Variants in UBE2O observed in about 807,000 individuals in gnomAD.
UBE2O encodes the protein (E3-independent) E2 ubiquitin-conjugating enzyme.
In UBE2O, 15 loss-of-function variants were observed where a neutral mutation model predicts 125.8. The ratio of observed to expected loss-of-function variants is 0.12; its 90% CI spans 0.08 to 0.18. The LOEUF (loss-of-function observed/expected upper bound fraction) is 0.18, where lower values mean the gene tolerates loss of function less well. Among genes scored for constraint, UBE2O ranks in the 10% least tolerant of loss-of-function variants. The pLI is 1.00. For synonymous variants in UBE2O, 708 were observed against 703.2 expected (o/e 1.01, Z -0.11); for missense variants, 1,280 against 1,723.6 (o/e 0.74, Z 4.56).
intron 1 of UBE2O, among the ~76,000 whole-genome samples, chr17:76,426,295 C>G (rs1047345055): frequency 6.6e-6 from 1 of 152,184 alleles, no homozygotes; most frequent in African/African-American, 2.4e-5. Flanking sequence ...ACCACCATGC[C>G]CAGCCAAAAG....
intron 1 of UBE2O, among the ~76,000 whole-genome samples, chr17:76,414,443 G>A (rs2072565221): frequency 1.3e-5 from 2 of 152,216 alleles, no homozygotes; most frequent in South Asian, 4.1e-4. Context: ...AAGCTGGGTG[G>A]GGAGACCAGA....
chr17:76,392,208 G>A (rs2072124931), intron 15 of UBE2O, 95 bp from the exon 16 acceptor site: 1 of 760,178 alleles, frequency 1.3e-6, no homozygotes, highest in Non-Finnish European at 2.0e-6. Flanking sequence ...TCTTTCCCAG[G>A]ACACTGTGCA....
chr17:76,394,595 A>G (rs991940902), intron 15 of UBE2O, among the ~76,000 whole-genome samples: 4 of 152,226 alleles, frequency 2.6e-5, no homozygotes, highest in East Asian at 1.9e-4. Context: ...CATACAAAAT[A>G]TTATGTACTT....
chr17:76,439,102 C>A (rs2088312009), intron 1 of UBE2O, among the ~76,000 whole-genome samples: 1 of 152,232 alleles, frequency 6.6e-6, no homozygotes. Context: ...ACACCAGTGG[C>A]CTTTCCAGGG....
intron 1 of UBE2O, chr17:76,431,091 C>A: frequency 5.5e-6 from 1 of 181,726 alleles, no homozygotes; most frequent in Non-Finnish European, 1.1e-5. Flanking sequence ...TCTGGCACAA[C>A]AGGAAGCTGC....
intron 1 of UBE2O, among the ~76,000 whole-genome samples, chr17:76,442,650 G>A (rs1244933000): frequency 6.6e-6 from 1 of 152,240 alleles, no homozygotes; most frequent in African/African-American, 2.4e-5. Flanking sequence ...GGGAAAAGCA[G>A]TCAGATTGGC....
chr17:76,402,761 G>A lies in UBE2O; in HGVS notation c.589-62C>T. 7.2e-7 allele frequency: 1 copy of A among 1,380,532 alleles called. No individual in the cohort carries two copies. The highest frequency in any genetic ancestry group is 1.4e-5 in the African/African-American group (1 of 70,484). The allele number at this position is 1,380,532 out of a possible 1,614,324, so 85.5% of individuals were successfully genotyped here. A position where few individuals can be genotyped will look rare whatever the true frequency, so the allele number is the denominator to read the frequency against. On this transcript the variant is annotated intron_variant, in intron 3 of 17. Transcript: ENST00000319380. This position sits in a 1 kb window ranked among gnomAD's most constrained non-coding sequence, Gnocchi z 5.4. ...AGACAACGTTCATGTCCAGGGCACA[G>A]ATTCCTCTATGCCCCACCGAAGACA...
chr17:76,415,828 T>C (rs558317936), intron 1 of UBE2O, among the ~76,000 whole-genome samples: 94 of 151,290 alleles, frequency 6.2e-4, no homozygotes, highest in Middle Eastern at 3.4e-3. Flanking sequence ...TGTGTGTGTG[T>C]GCATACACAT....
chr17:76,422,467 C>T (rs2072727666), intron 1 of UBE2O, among the ~76,000 whole-genome samples: 1 of 152,222 alleles, frequency 6.6e-6, no homozygotes, highest in Non-Finnish European at 1.5e-5. Context: ...TGTTCCCTCG[C>T]CCATTCAGCA....
chr17:76,424,567 T>A (rs2072772642), intron 1 of UBE2O, among the ~76,000 whole-genome samples: 1 of 152,114 alleles, frequency 6.6e-6, no homozygotes. Flanking sequence ...TATACTGAGT[T>A]AAATAAAACA....
intron 1 of UBE2O, among the ~76,000 whole-genome samples, chr17:76,450,082 CAAAAA>C (rs59424179): frequency 7.1e-6 from 1 of 140,252 alleles, no homozygotes; most frequent in Non-Finnish European, 1.6e-5. Flanking sequence ...ACCAGTAACT[CAAAAA>C]AAAAAAAAAA....
In UBE2O at chr17:76,402,787, G is replaced by A. The variant is rs1425453370; in HGVS notation, c.589-88C>T. The A allele has an allele frequency of 2.7e-6, 3 of 1,100,618 alleles. No homozygotes were observed. The highest frequency in any genetic ancestry group is 3.4e-5 in the Admixed American group (2 of 58,142). The allele number at this position is 1,100,618 out of a possible 1,614,324, so 68.2% of individuals were successfully genotyped here. On this transcript the variant is annotated intron_variant, in intron 3 of 17. Coordinates refer to ENST00000319380, the MANE Select transcript of UBE2O (RefSeq NM_022066.4). The surrounding 1 kb of genome is among the most constrained non-coding windows in gnomAD (Gnocchi z 5.4). The stretch of plus-strand genomic sequence containing the variant: ...ATTCCTCTATGCCCCACCGAAGACA[G>A]GATGGGGGAGGATCTAGACAGCTCA...
Position 76,395,770 on chromosome 17 carries a change from G to A in UBE2O, c.2901C>T (p.Thr967=). ...TGACCATGATGCCCTCAGGCAGTGAGGTAGCCAGCAGCGCCATCTCCTTCC... is the reference window on the plus strand; with the variant it reads ...TGACCATGATGCCCTCAGGCAGTGAAGTAGCCAGCAGCGCCATCTCCTTCC... ...TVRKEMALLA[T]SLPEGIMVKT... The change falls in exon 15 of 18, where the codon ACC becomes ACT. Residue 967 remains threonine (T), a synonymous_variant. Transcript: ENST00000319380. The surrounding 1 kb of genome is among the most constrained non-coding windows in gnomAD (Gnocchi z 5.0). 6 of 1,614,226 alleles carry A rather than the reference G, an allele frequency of 3.7e-6. No homozygotes were observed. The highest frequency in any genetic ancestry group is 5.1e-6 in the Non-Finnish European group (6 of 1,180,044).
chr17:76,419,420 GA>G (rs894166532), intron 1 of UBE2O, among the ~76,000 whole-genome samples: 1 of 151,050 alleles, frequency 6.6e-6, no homozygotes, highest in Non-Finnish European at 1.5e-5. Flanking sequence ...GAAAAAAATA[GA>G]AAAAACATTT....
chr17:76,392,457 G>T (rs1038944626), intron 15 of UBE2O, among the ~76,000 whole-genome samples: 21 of 152,012 alleles, frequency 1.4e-4, no homozygotes, highest in African/African-American at 5.1e-4. Flanking sequence ...TACAGACAGG[G>T]TTTCACTATG....
chr17:76,416,214 G>GTATGTA (rs775911597), intron 1 of UBE2O, among the ~76,000 whole-genome samples: 36 of 151,966 alleles, frequency 2.4e-4, no homozygotes, highest in Non-Finnish European at 4.6e-4. Context: ...GTGTGTATAT[G>GTATGTA]TATGTATATG....
In UBE2O at chr17:76,405,371, G is replaced by C; in HGVS notation, c.478-55C>G. 1 of 1,546,872 alleles carries C rather than the reference G, an allele frequency of 6.5e-7. No individual in the cohort carries two copies. The highest frequency in any genetic ancestry group is 1.4e-5 in the African/African-American group (1 of 73,838). ...GTGGTGCAGCAGCCCTGGTCACCAG[G>C]GGAGACCCAGCCCAGGCAACCCCAG... On this transcript the variant is annotated intron_variant, in intron 2 of 17. Coordinates refer to ENST00000319380, the MANE Select transcript of UBE2O (RefSeq NM_022066.4). The surrounding 1 kb of genome is among the most constrained non-coding windows in gnomAD (Gnocchi z 6.1).
chr17:76,406,155 A>G (rs1371402275), intron 1 of UBE2O, among the ~76,000 whole-genome samples: 7 of 152,126 alleles, frequency 4.6e-5, no homozygotes, highest in Non-Finnish European at 1.0e-4. Context: ...CTGCTAAGTA[A>G]CCCTCAGGAT....
intron 1 of UBE2O, among the ~76,000 whole-genome samples, chr17:76,437,829 C>G (rs1480772962): frequency 6.6e-6 from 1 of 152,174 alleles, no homozygotes; most frequent in Non-Finnish European, 1.5e-5. Flanking sequence ...ATCTTTGAAA[C>G]TGTTCTATAA....
Sources: allele counts gnomAD v4.1 joint callset (sites outside exome capture counted in the v4.1 genomes callset), GRCh38; gene constraint gnomAD v4.1.1; non-coding constraint Gnocchi (gnomAD v3.1); transcripts MANE v1.5; gene names NCBI Gene and HGNC (gene_info 2026-07-23, HGNC 2026-07-21).